Variants in ASIC2 observed in about 807,000 individuals in gnomAD.
ASIC2 encodes acid-sensing ion channel 2.
In ASIC2, 25 loss-of-function variants were observed where a neutral mutation model predicts 57.3. The ratio of observed to expected loss-of-function variants is 0.44; its 90% confidence interval spans 0.32 to 0.61. The LOEUF is 0.61. ASIC2 is among the 20% of genes least tolerant of loss of function. ASIC2 has a pLI of 0.06. For synonymous variants in ASIC2, 319 were observed against 307.5 expected (o/e 1.04, Z -0.39); for missense variants, 641 against 738.1 (o/e 0.87, Z 1.52).
At chr17:33,799,332 C>T (rs1030159238) in intron 1 of ASIC2, among the ~76,000 whole-genome samples, 1 of 150,432 alleles carries the variant, frequency 6.6e-6, no homozygotes, top group Non-Finnish European at 1.5e-5. Flanking sequence ...ATTTTCCCTC[C>T]CTCTCTGTTT....
At chr17:33,923,801 G>A (rs760845615) in intron 1 of ASIC2, among the ~76,000 whole-genome samples, 22 of 152,162 alleles carry the variant, frequency 1.4e-4, no homozygotes, top group Admixed American at 3.3e-4. Flanking sequence ...AGTAGAGTAT[G>A]AGAGGGGAGG....
At position 33,283,433 on chromosome 17, in the gene ASIC2, T is replaced by G. The variant is rs796978937; in HGVS notation, c.708+7975A>C. On this transcript the variant is annotated intron_variant, in intron 1 of 9. Coordinates refer to ENST00000225823, the MANE Select transcript of ASIC2 (RefSeq NM_183377.2). The stretch of plus-strand genomic sequence containing the variant: ...ATCAGGGTCTCTGTTGAGGGCCTAG[T>G]AACCCGGACATGCTCAAGTTTGAGA... 2.6e-5 allele frequency among the ~76,000 whole-genome samples: 4 copies of G among 152,340 alleles called. 1 individual carries two copies. Among genetic ancestry groups the G allele is most frequent in the African/African-American group, 9.6e-5 (4 of 41,588 alleles).
intron 1 of ASIC2, among the ~76,000 whole-genome samples, chr17:33,345,739 G>T (rs928389596): frequency 1.3e-5 from 2 of 152,204 alleles, no homozygotes; most frequent in East Asian, 1.9e-4. Context: ...TCTGGATATG[G>T]TTCCAAGGGC....
At chr17:33,492,282 C>G (rs1434162324) in intron 1 of ASIC2, among the ~76,000 whole-genome samples, 1 of 152,178 alleles carries the variant, frequency 6.6e-6, no homozygotes, top group Non-Finnish European at 1.5e-5. Flanking sequence ...TGAGCACAGG[C>G]CATGATTGTT....
intron 1 of ASIC2, among the ~76,000 whole-genome samples, chr17:34,019,941 G>A (rs1907097709): frequency 6.6e-6 from 1 of 152,066 alleles, no homozygotes; most frequent in African/African-American, 2.4e-5. Flanking sequence ...ACTTCTTTAT[G>A]GTATGATCTC....
chr17:33,529,433 T>A (rs1914982948), intron 1 of ASIC2, among the ~76,000 whole-genome samples: 1 of 152,152 alleles, frequency 6.6e-6, no homozygotes, highest in Admixed American at 6.5e-5. Context: ...AGCATCAACA[T>A]CACCTGGGAG....
intron 1 of ASIC2, among the ~76,000 whole-genome samples, chr17:34,097,196 G>A (rs181615869): frequency 7.2e-5 from 11 of 152,246 alleles, no homozygotes; most frequent in African/African-American, 1.4e-4. Flanking sequence ...TCTTTTAGAC[G>A]CTATAAGGAT....
chr17:33,016,978 C>G (rs996194450), intron 8 of ASIC2, among the ~76,000 whole-genome samples: 26 of 27,116 alleles, frequency 9.6e-4, no homozygotes, highest in African/African-American at 2.2e-3. Flanking sequence ...AAGGCTGACC[C>G]CAGCTCTGGG....
chr17:33,799,355 T>C (rs1405874119), intron 1 of ASIC2, among the ~76,000 whole-genome samples: 3 of 129,422 alleles, frequency 2.3e-5, no homozygotes, highest in Admixed American at 1.5e-4. Flanking sequence ...TCTCTTTCTC[T>C]TTCTTTCTTT....
At chr17:33,875,205 TC>T (rs1337946806) in intron 1 of ASIC2, among the ~76,000 whole-genome samples, 2 of 152,150 alleles carry the variant, frequency 1.3e-5, no homozygotes, top group African/African-American at 2.4e-5. Flanking sequence ...TAGTATATGC[TC>T]AGTTAATATT....
intron 1 of ASIC2, among the ~76,000 whole-genome samples, chr17:33,130,464 C>T (rs781027323): frequency 2.6e-5 from 4 of 152,096 alleles, no homozygotes; most frequent in Admixed American, 1.3e-4. Context: ...AACACATACA[C>T]GCTAATTATT....
intron 1 of ASIC2, among the ~76,000 whole-genome samples, chr17:34,063,235 G>A (rs1249120886): frequency 6.6e-6 from 1 of 152,008 alleles, no homozygotes; most frequent in African/African-American, 2.4e-5. Flanking sequence ...CTATAAATGT[G>A]ATACACCACA....
chr17:34,038,896 T>C (rs1359689174), intron 1 of ASIC2: 5 of 1,612,694 alleles, frequency 3.1e-6, no homozygotes, highest in Non-Finnish European at 4.2e-6. Context: ...AATTTATCCT[T>C]TCCTGTTGCT....
chr17:33,111,783 C>T (rs2141986992), intron 2 of ASIC2, 134 bp downstream of exon 2: 1 of 1,293,964 alleles, frequency 7.7e-7, no homozygotes. Flanking sequence ...TCTTTATGAT[C>T]TAGCAGCATG....
chr17:33,354,053 G>C (rs1908284769), intron 1 of ASIC2, among the ~76,000 whole-genome samples: 1 of 152,052 alleles, frequency 6.6e-6, no homozygotes, highest in Non-Finnish European at 1.5e-5. Flanking sequence ...CGGGCAAGAG[G>C]GCATATGCAG....
At chr17:33,266,847 T>C (rs1354792363) in intron 1 of ASIC2, among the ~76,000 whole-genome samples, 3 of 152,176 alleles carry the variant, frequency 2.0e-5, no homozygotes, top group Non-Finnish European at 2.9e-5. Context: ...TGTGACTTTA[T>C]TTCCAGTACA....
At chr17:33,892,170 G>A (rs898745383) in intron 1 of ASIC2, among the ~76,000 whole-genome samples, 6 of 152,152 alleles carry the variant, frequency 3.9e-5, no homozygotes, top group African/African-American at 1.2e-4. Flanking sequence ...TTGAGAAATA[G>A]ACAATGAACA....
chr17:33,855,921 C>T (rs1913915042), intron 1 of ASIC2, among the ~76,000 whole-genome samples: 1 of 151,810 alleles, frequency 6.6e-6, no homozygotes, highest in Non-Finnish European at 1.5e-5. Context: ...GATGCTGGTG[C>T]TATGCCTGGA....
intron 1 of ASIC2, among the ~76,000 whole-genome samples, chr17:33,538,194 T>C (rs945154946): frequency 2.0e-5 from 3 of 152,200 alleles, no homozygotes; most frequent in East Asian, 1.9e-4. Context: ...CTATATCCTT[T>C]AGTTGGACCT....
Sources: allele counts gnomAD v4.1 joint callset (sites outside exome capture counted in the v4.1 genomes callset), GRCh38; gene constraint gnomAD v4.1.1; transcripts MANE v1.5; gene names NCBI Gene and HGNC (gene_info 2026-07-23, HGNC 2026-07-21).